SRGAP2: variants seen among roughly 807,000 people sequenced by gnomAD.
SRGAP2 encodes the protein SLIT-ROBO Rho GTPase-activating protein 2.
Under a neutral mutation model 57.2 loss-of-function variants are expected in SRGAP2, and 15 were observed. That is an observed-to-expected ratio of 0.26 (90% CI 0.18 to 0.40). The LOEUF (loss-of-function observed/expected upper bound fraction) is 0.40. SRGAP2 is among the 10% of genes least tolerant of loss of function. SRGAP2 has a pLI of 1.00. For missense variants in SRGAP2, 520 were observed against 669.6 expected, an observed-to-expected ratio of 0.78 and a Z score of 2.47; for synonymous variants, 249 against 248.0, an observed-to-expected ratio of 1.00 and a Z score of -0.04.
At chr1:206,225,846 C>T (rs1205971036) in intron 2 of SRGAP2, among the ~76,000 whole-genome samples, 4 of 152,000 alleles carry the variant, frequency 2.6e-5, no homozygotes, top group Admixed American at 6.6e-5. Context: ...GAGTTCTGAG[C>T]TGCCTTGCTC....
Position 206,454,026 on chromosome 1 carries a change from C to G in SRGAP2, c.2360+646C>G. 1 of 677,674 alleles carries G rather than the reference C, an allele frequency of 1.5e-6. No homozygotes were observed. Among genetic ancestry groups the G allele is most frequent in the Non-Finnish European group, 2.7e-6 (1 of 371,836 alleles). 42.0% of individuals were successfully genotyped at this position (677,674 alleles called of 1,614,324 possible). ...TTCTCACACTTTGAAGCAGTTGTCC[C>G]GTGGGCCCACCCAAGCCTGCCCCCT... On this transcript the variant is annotated intron_variant, in intron 20 of 22. Transcript: ENST00000573034. The surrounding 1 kb of genome is among the most constrained non-coding windows in gnomAD (Gnocchi z 4.3).
intron 2 of SRGAP2, among the ~76,000 whole-genome samples, chr1:206,210,403 CTT>C (rs71568077): frequency 0.028 from 898 of 31,762 alleles, 15 homozygotes; most frequent in African/African-American, 0.11. Flanking sequence ...GGGGTCTTGT[CTT>C]TTTTTTTTTT....
intron 2 of SRGAP2, among the ~76,000 whole-genome samples, chr1:206,263,382 C>T: frequency 6.8e-6 from 1 of 147,728 alleles, no homozygotes; most frequent in East Asian, 2.0e-4. Context: ...AAAATGTGGC[C>T]ATACATGGCA....
At chr1:206,239,501 A>C (rs1668078243) in intron 2 of SRGAP2, among the ~76,000 whole-genome samples, 1 of 152,266 alleles carries the variant, frequency 6.6e-6, no homozygotes, top group African/African-American at 2.4e-5. Flanking sequence ...TCTGTCGCCC[A>C]GGCTGAAATG....
chr1:206,397,672 A>G (rs1400659828), intron 7 of SRGAP2, among the ~76,000 whole-genome samples: 1 of 146,584 alleles, frequency 6.8e-6, no homozygotes, highest in Non-Finnish European at 1.5e-5. Context: ...AGCTCATTTG[A>G]TGGCATCTAA....
At chr1:206,449,285 G>T (rs2480406) in intron 18 of SRGAP2, among the ~76,000 whole-genome samples, 1,400 of 122,608 alleles carry the variant, frequency 0.011, 20 homozygotes, top group African/African-American at 0.021. Flanking sequence ...TACACTGGAT[G>T]ATTTTTTTTT....
At chr1:206,427,151 A>G (rs542860159) in intron 13 of SRGAP2, among the ~76,000 whole-genome samples, 1 of 152,212 alleles carries the variant, frequency 6.6e-6, no homozygotes, top group African/African-American at 2.4e-5. Flanking sequence ...CTATATGGTG[A>G]GAGATAGGAT....
At chr1:206,277,025 C>T (rs1670453317) in intron 2 of SRGAP2, among the ~76,000 whole-genome samples, 1 of 150,808 alleles carries the variant, frequency 6.6e-6, no homozygotes, top group African/African-American at 2.4e-5. Context: ...AGTGCAATGG[C>T]GTGACCTTGG....
chr1:206,365,244 C>T (rs1373952897), intron 4 of SRGAP2, among the ~76,000 whole-genome samples: 5 of 138,920 alleles, frequency 3.6e-5, no homozygotes, highest in East Asian at 2.2e-4. Context: ...TTGACCTAGG[C>T]GAGAGGAGAA....
At chr1:206,427,693 A>T (rs1327226764) in intron 13 of SRGAP2, among the ~76,000 whole-genome samples, 2 of 152,182 alleles carry the variant, frequency 1.3e-5, no homozygotes, top group Admixed American at 6.5e-5. Flanking sequence ...GACCCATCGC[A>T]CTTGACAGTC....
chr1:206,375,903 A>G (rs1287345770), intron 4 of SRGAP2, among the ~76,000 whole-genome samples: 2 of 151,498 alleles, frequency 1.3e-5, no homozygotes, highest in Admixed American at 1.3e-4. Context: ...CACACATTCC[A>G]GAGCTTCTGG....
intron 2 of SRGAP2, among the ~76,000 whole-genome samples, chr1:206,223,020 C>T (rs1488319279): frequency 6.6e-6 from 1 of 151,626 alleles, no homozygotes; most frequent in East Asian, 2.0e-4. Context: ...GTGATCCTCC[C>T]ACCTTGGCCT....
intron 11 of SRGAP2, 61 bp downstream of exon 11, chr1:206,416,034 G>A (rs957199542): frequency 1.4e-6 from 1 of 737,934 alleles, no homozygotes; most frequent in Non-Finnish European, 2.5e-6. Context: ...CTTTCTTGCT[G>A]AGCACACGCC....
intron 14 of SRGAP2, among the ~76,000 whole-genome samples, chr1:206,435,011 G>A (rs1325134470): frequency 1.3e-5 from 2 of 152,114 alleles, no homozygotes; most frequent in Non-Finnish European, 2.9e-5. Context: ...AACATTATCT[G>A]GCTTTTACAT....
chr1:206,440,472 G>C (rs1177021385), intron 17 of SRGAP2, among the ~76,000 whole-genome samples: 2 of 152,142 alleles, frequency 1.3e-5, no homozygotes, highest in Admixed American at 6.5e-5. Context: ...GGAGAAAAGA[G>C]TGCCACGGGG....
chr1:206,255,341 C>T (rs1669121341), intron 2 of SRGAP2, among the ~76,000 whole-genome samples: 1 of 147,472 alleles, frequency 6.8e-6, no homozygotes, highest in Non-Finnish European at 1.5e-5. Context: ...CTGACTACTT[C>T]TCTGTCTTTT....
At chr1:206,447,837 G>A (rs981734765) in intron 18 of SRGAP2, among the ~76,000 whole-genome samples, 1 of 152,210 alleles carries the variant, frequency 6.6e-6, no homozygotes, top group African/African-American at 2.4e-5. Flanking sequence ...AGCCCAGTGG[G>A]TCAGAGTCCT....
intron 2 of SRGAP2, among the ~76,000 whole-genome samples, chr1:206,278,553 G>T (rs1421783543): frequency 5.6e-5 from 8 of 143,300 alleles, no homozygotes; most frequent in Admixed American, 2.1e-4. Flanking sequence ...TAGAGACAGG[G>T]TCTCATTTTG....
intron 2 of SRGAP2, among the ~76,000 whole-genome samples, chr1:206,281,763 A>G (rs1241099439): frequency 9.3e-6 from 1 of 107,240 alleles, no homozygotes; most frequent in Admixed American, 9.3e-5. Context: ...AGATCACACC[A>G]CTGCACTCTA....
Sources: allele counts gnomAD v4.1 joint callset (sites outside exome capture counted in the v4.1 genomes callset), GRCh38; gene constraint gnomAD v4.1.1; non-coding constraint Gnocchi (gnomAD v3.1); transcripts MANE v1.5; gene names NCBI Gene and HGNC (gene_info 2026-07-23, HGNC 2026-07-21).